RMST: variants seen among roughly 807,000 people sequenced by gnomAD.
RMST encodes the protein long intergenic non-protein coding RNA 54.
chr12:97,522,228 T>A (rs1196076869), intron 10 of RMST, among the ~76,000 whole-genome samples: 1 of 152,206 alleles, frequency 6.6e-6, no homozygotes, highest in Non-Finnish European at 1.5e-5. Flanking sequence ...ATTTAAAAGA[T>A]GTTAAATTGC....
At chr12:97,476,050 C>T (rs1013571558) in intron 5 of RMST, among the ~76,000 whole-genome samples, 15 of 152,200 alleles carry the variant, frequency 9.9e-5, no homozygotes, top group African/African-American at 3.4e-4. Flanking sequence ...GTGCTCTCAT[C>T]TTGATGAGCA....
intron 11 of RMST, among the ~76,000 whole-genome samples, chr12:97,551,171 TAAAAAAAAA>T (rs371319102): frequency 7.6e-6 from 1 of 132,322 alleles, no homozygotes; most frequent in Non-Finnish European, 1.7e-5. Context: ...TCATTGTTTT[TAAAAAAAAA>T]AAAAAAAAAA....
At chr12:97,532,108 G>A (rs1435742181) in intron 11 of RMST, among the ~76,000 whole-genome samples, 1 of 151,918 alleles carries the variant, frequency 6.6e-6, no homozygotes, top group Non-Finnish European at 1.5e-5. Context: ...CAGATTTCTA[G>A]TCTTCACTAA....
At chr12:97,505,228 C>G (rs1878536352) in intron 10 of RMST, among the ~76,000 whole-genome samples, 1 of 152,208 alleles carries the variant, frequency 6.6e-6, no homozygotes. Flanking sequence ...TAATAGTTAA[C>G]TCACTATGCT....
At chr12:97,484,471 C>T (rs991916887) in intron 5 of RMST, among the ~76,000 whole-genome samples, 1 of 152,170 alleles carries the variant, frequency 6.6e-6, no homozygotes, top group African/African-American at 2.4e-5. Context: ...CTTTAGCTTC[C>T]TATGTGCCGA....
intron 11 of RMST, among the ~76,000 whole-genome samples, chr12:97,537,516 C>T (rs1422729978): frequency 3.3e-5 from 5 of 151,280 alleles, no homozygotes; most frequent in South Asian, 2.1e-4. Flanking sequence ...TGAAGAATCT[C>T]GCTTTTTTGC....
At chr12:97,523,322 C>T (rs1190645647) in intron 10 of RMST, among the ~76,000 whole-genome samples, 2 of 152,014 alleles carry the variant, frequency 1.3e-5, no homozygotes, top group Non-Finnish European at 2.9e-5. Context: ...TAAATGTGAC[C>T]ATTGTTTTTA....
At chr12:97,525,840 T>G (rs1881034788) in intron 10 of RMST, among the ~76,000 whole-genome samples, 1 of 152,176 alleles carries the variant, frequency 6.6e-6, no homozygotes, top group Non-Finnish European at 1.5e-5. Flanking sequence ...AAGCTTCATC[T>G]GTATTTACAG....
chr12:97,526,975 A>C (rs749810423), intron 10 of RMST, among the ~76,000 whole-genome samples: 3 of 152,158 alleles, frequency 2.0e-5, no homozygotes, highest in Non-Finnish European at 2.9e-5. Context: ...AAGGTTTACT[A>C]ACTTGCCCAA....
intron 5 of RMST, among the ~76,000 whole-genome samples, chr12:97,474,624 C>CAAAAAAAAAAAAAA (rs34888626): frequency 3.6e-5 from 2 of 55,800 alleles, no homozygotes; most frequent in East Asian, 5.7e-4. Flanking sequence ...AAAAAGAAGC[C>CAAAAAAAAAAAAAA]AAAAAAAAAA....
At chr12:97,519,087 C>T (rs1880246009) in intron 10 of RMST, among the ~76,000 whole-genome samples, 1 of 152,190 alleles carries the variant, frequency 6.6e-6, no homozygotes, top group Non-Finnish European at 1.5e-5. Flanking sequence ...CAAATCTCAC[C>T]TCTTCAATGA....
intron 10 of RMST, among the ~76,000 whole-genome samples, chr12:97,511,696 T>C (rs1879315569): frequency 6.6e-6 from 1 of 152,056 alleles, no homozygotes; most frequent in South Asian, 2.1e-4. Flanking sequence ...TTTTGAAGAG[T>C]AAATGAAATA....
chr12:97,555,826 A>T (rs1395072694), intron 11 of RMST, among the ~76,000 whole-genome samples: 1 of 152,184 alleles, frequency 6.6e-6, no homozygotes, highest in African/African-American at 2.4e-5. Flanking sequence ...ATTGCATCCA[A>T]CTGTCTCGGG....
At chr12:97,507,821 G>A (rs753580916) in intron 10 of RMST, among the ~76,000 whole-genome samples, 3 of 152,122 alleles carry the variant, frequency 2.0e-5, no homozygotes, top group Non-Finnish European at 4.4e-5. Flanking sequence ...ATCTAACCTG[G>A]GAGAATGAAT....
intron 3 of RMST, chr12:97,463,047 C>CTG (rs1872758373): frequency 7.2e-6 from 1 of 138,352 alleles, no homozygotes; most frequent in African/African-American, 2.6e-5. Flanking sequence ...CTCTCTCTCT[C>CTG]TCTCTCTCTC....
intron 10 of RMST, among the ~76,000 whole-genome samples, chr12:97,510,074 C>T (rs1212906123): frequency 2.0e-5 from 3 of 152,120 alleles, no homozygotes. Context: ...GATTAATATA[C>T]ATGTACACTC....
chr12:97,559,899 TATA>T (rs1428472205), intron 11 of RMST, among the ~76,000 whole-genome samples: 6 of 152,130 alleles, frequency 3.9e-5, no homozygotes, highest in African/African-American at 1.4e-4. Context: ...GGTGAACAAA[TATA>T]ATAAGATGCC....
chr12:97,465,273 G>A (rs938330396), intron 4 of RMST, among the ~76,000 whole-genome samples: 1 of 152,172 alleles, frequency 6.6e-6, no homozygotes, highest in African/African-American at 2.4e-5. Context: ...CGGCTCTGTC[G>A]CCTTCAGTCG....
At chr12:97,518,018 A>G (rs1250728829) in intron 10 of RMST, among the ~76,000 whole-genome samples, 1 of 152,120 alleles carries the variant, frequency 6.6e-6, no homozygotes, top group Admixed American at 6.5e-5. Flanking sequence ...GTATTTATGG[A>G]TGATTTATTA....
Sources: gnomAD v4.1 joint callset for allele counts (sites outside exome capture counted in the v4.1 genomes callset) on GRCh38, gnomAD v4.1.1 for gene constraint, MANE v1.5 for transcripts, NCBI Gene and HGNC (gene_info 2026-07-23, HGNC 2026-07-21) for gene names.